The following PIP5K1B variants were observed in gnomAD, a reference collection of about 807,000 sequenced individuals.
PIP5K1B encodes phosphatidylinositol-4-phosphate 5-kinase type 1 beta, also known as phosphatidylinositol 4-phosphate 5-kinase type-1 beta.
Under a neutral mutation model 67.0 loss-of-function variants are expected in PIP5K1B, and 42 were observed. That is an observed-to-expected ratio of 0.63 (90% CI 0.49 to 0.81). The LOEUF (loss-of-function observed/expected upper bound fraction) is 0.81, where lower values mean the gene tolerates loss of function less well. PIP5K1B is among the 30% of genes least tolerant of loss of function. The probability of loss-of-function intolerance (pLI) is 0.00; values close to 1 mark genes in which losing one functional copy is unlikely to be tolerated. For synonymous variants in PIP5K1B, 214 were observed against 231.4 expected, an observed-to-expected ratio of 0.92 and a Z score of 0.68; for missense variants, 459 against 646.3, an observed-to-expected ratio of 0.71 and a Z score of 3.14.
chr9:68,722,844 A>G (rs548405255), intron 1 of PIP5K1B, among the ~76,000 whole-genome samples: 5 of 152,270 alleles, frequency 3.3e-5, no homozygotes, highest in African/African-American at 9.6e-5. Context: ...GAAATATACA[A>G]TAAATTATCA....
Position 68,735,143 on chromosome 9 carries a change from C to G in PIP5K1B, c.-242-7358C>G, listed in dbSNP as rs142151508. 1.6e-4 allele frequency among the ~76,000 whole-genome samples: 24 copies of G among 152,066 alleles called. 1 individual carries two copies. The East Asian group carries it at 4.6e-3, about 29-fold the overall frequency. Reference sequence around the variant, plus strand: ...TTTTAACAAACTTTTTATATGAGAACATGTTTAGATTTAGAGCACTATTAC... The same window carrying G: ...TTTTAACAAACTTTTTATATGAGAAGATGTTTAGATTTAGAGCACTATTAC... On this transcript the variant is annotated intron_variant, in intron 1 of 15. Transcript: ENST00000265382.
intron 12 of PIP5K1B, among the ~76,000 whole-genome samples, chr9:68,931,729 G>A (rs927687417): frequency 2.0e-5 from 3 of 152,230 alleles, no homozygotes; most frequent in Non-Finnish European, 4.4e-5. Flanking sequence ...AGAAGGGTGA[G>A]CTGAAAAGTG....
chr9:68,830,667 T>C (rs989155011), intron 4 of PIP5K1B, among the ~76,000 whole-genome samples: 1 of 152,116 alleles, frequency 6.6e-6, no homozygotes, highest in Non-Finnish European at 1.5e-5. Flanking sequence ...ACCCAAAACT[T>C]CCTGCACGGC....
intron 4 of PIP5K1B, among the ~76,000 whole-genome samples, chr9:68,848,223 A>G (rs544796224): frequency 1.7e-4 from 26 of 152,346 alleles, no homozygotes; most frequent in South Asian, 6.2e-4. Flanking sequence ...ATTCCCCATC[A>G]AAAGAAGAGT....
chr9:68,848,345 T>C (rs892464773), intron 4 of PIP5K1B, among the ~76,000 whole-genome samples: 4 of 152,206 alleles, frequency 2.6e-5, no homozygotes, highest in African/African-American at 7.2e-5. Flanking sequence ...TTTCTGGCCC[T>C]ACAGTGTAAG....
At chr9:68,941,238 T>C (rs763743418) in intron 14 of PIP5K1B, 10 of 388,242 alleles carry the variant, frequency 2.6e-5, no homozygotes, top group Non-Finnish European at 4.5e-5. Flanking sequence ...CTGTAACCTG[T>C]GAATATGTTA....
At chr9:68,848,256 G>A (rs973747580) in intron 4 of PIP5K1B, among the ~76,000 whole-genome samples, 1 of 152,138 alleles carries the variant, frequency 6.6e-6, no homozygotes, top group African/African-American at 2.4e-5. Context: ...GGCAAGAAAG[G>A]TACTACCGTA....
At chr9:68,749,719 T>G (rs1166228711) in intron 2 of PIP5K1B, among the ~76,000 whole-genome samples, 1 of 152,148 alleles carries the variant, frequency 6.6e-6, no homozygotes, top group African/African-American at 2.4e-5. Context: ...TAATGACACT[T>G]AGGGGCCAGA....
At chr9:68,912,178 C>T (rs547475938) in intron 8 of PIP5K1B, among the ~76,000 whole-genome samples, 1 of 152,292 alleles carries the variant, frequency 6.6e-6, no homozygotes, top group African/African-American at 2.4e-5. Flanking sequence ...TGATTTTTCC[C>T]TCCAGGCCTT....
chr9:68,810,886 G>T (rs1026680844), intron 2 of PIP5K1B, among the ~76,000 whole-genome samples: 3 of 152,186 alleles, frequency 2.0e-5, no homozygotes, highest in Non-Finnish European at 4.4e-5. Context: ...AAAATGCGGT[G>T]CAATATTGAT....
intron 4 of PIP5K1B, among the ~76,000 whole-genome samples, chr9:68,838,096 AT>A (rs948172119): frequency 2.2e-5 from 3 of 135,606 alleles, no homozygotes; most frequent in Non-Finnish European, 3.2e-5. Context: ...TGCGCATGGG[AT>A]TTTTTTTTCC....
chr9:68,847,608 C>T (rs1391905258), intron 4 of PIP5K1B, among the ~76,000 whole-genome samples: 2 of 152,026 alleles, frequency 1.3e-5, no homozygotes, highest in South Asian at 2.1e-4. Context: ...TCTAAAGATT[C>T]CCAATGTTAT....
chr9:68,716,780 A>C (rs1827654234), intron 1 of PIP5K1B, among the ~76,000 whole-genome samples: 1 of 152,202 alleles, frequency 6.6e-6, no homozygotes, highest in Admixed American at 6.5e-5. Flanking sequence ...TCAGAAAGAC[A>C]CCTGCACTCA....
chr9:68,708,834 G>C (rs4744680), intron 1 of PIP5K1B, among the ~76,000 whole-genome samples: 2 of 151,986 alleles, frequency 1.3e-5, no homozygotes, highest in Non-Finnish European at 2.9e-5. Flanking sequence ...AGAATGATAA[G>C]AAAGAATATA....
intron 12 of PIP5K1B, among the ~76,000 whole-genome samples, chr9:68,932,369 G>A (rs1225740677): frequency 6.6e-6 from 1 of 152,058 alleles, no homozygotes; most frequent in Non-Finnish European, 1.5e-5. Flanking sequence ...GTGGGTGATA[G>A]CTATCTATAT....
chr9:68,939,285 T>C (rs922685608), intron 13 of PIP5K1B, among the ~76,000 whole-genome samples: 5 of 152,210 alleles, frequency 3.3e-5, no homozygotes, highest in African/African-American at 1.2e-4. Flanking sequence ...AGATGTGTTT[T>C]GCTCTGTCAC....
chr9:68,812,252 A>C (rs1833208263), intron 2 of PIP5K1B, among the ~76,000 whole-genome samples: 1 of 152,234 alleles, frequency 6.6e-6, no homozygotes, highest in African/African-American at 2.4e-5. Flanking sequence ...AATAAATGAA[A>C]TCACATATGT....
intron 2 of PIP5K1B, among the ~76,000 whole-genome samples, chr9:68,763,199 G>A (rs1272590868): frequency 6.6e-6 from 1 of 152,088 alleles, no homozygotes; most frequent in East Asian, 1.9e-4. Flanking sequence ...GATTTTCTGG[G>A]CCAAGCCAGC....
At chr9:68,761,868 A>G (rs1830200663) in intron 2 of PIP5K1B, among the ~76,000 whole-genome samples, 1 of 152,146 alleles carries the variant, frequency 6.6e-6, no homozygotes, top group Non-Finnish European at 1.5e-5. Context: ...GTGATAGACT[A>G]TAGTCACAGT....
Sources: allele counts gnomAD v4.1 joint callset (sites outside exome capture counted in the v4.1 genomes callset), GRCh38; gene constraint gnomAD v4.1.1; transcripts MANE v1.5; gene names NCBI Gene and HGNC (gene_info 2026-07-23, HGNC 2026-07-21).